The following KCNIP4 variants were observed in gnomAD, a reference collection of about 807,000 sequenced individuals.
KCNIP4 encodes the protein potassium voltage-gated channel interacting protein 4, also known as Kv channel-interacting protein 4.
Under a neutral mutation model 34.0 loss-of-function variants are expected in KCNIP4, and 12 were observed. The ratio of observed to expected loss-of-function variants is 0.35; its 90% CI spans 0.23 to 0.57. The LOEUF (loss-of-function observed/expected upper bound fraction) is 0.57. Ranked by LOEUF, KCNIP4 falls within the 20% of genes least tolerant of loss-of-function variation. The pLI is 0.83. For synonymous variants in KCNIP4, 124 were observed against 102.2 expected (o/e 1.21, Z -1.29); for missense variants, 238 against 311.7 (o/e 0.76, Z 1.78).
chr4:21,110,423 A>G (rs7696887), intron 1 of KCNIP4, among the ~76,000 whole-genome samples: 44,293 of 152,114 alleles, frequency 0.29, 7,118 homozygotes, highest in African/African-American at 0.44. Flanking sequence ...TAAAAGAAAA[A>G]TACTGAGAGA....
chr4:21,930,392 G>T (rs1729498461), intron 1 of KCNIP4, among the ~76,000 whole-genome samples: 1 of 151,912 alleles, frequency 6.6e-6, no homozygotes, highest in Non-Finnish European at 1.5e-5. Flanking sequence ...GACTTCTATG[G>T]AACTGCCTCA....
At chr4:21,133,664 G>C (rs919289608) in intron 1 of KCNIP4, among the ~76,000 whole-genome samples, 1 of 151,964 alleles carries the variant, frequency 6.6e-6, no homozygotes, top group African/African-American at 2.4e-5. Flanking sequence ...ATTCCTATTT[G>C]CTAAATACTG....
chr4:21,694,936 ATAAATAAAT>A (rs376302766), intron 1 of KCNIP4, among the ~76,000 whole-genome samples: 38,491 of 119,148 alleles, frequency 0.32, 6,421 homozygotes, highest in Non-Finnish European at 0.43. Context: ...AAAAATAAAA[ATAAATAAAT>A]AAATAAAGGG....
chr4:21,144,801 G>T (rs1752232093), intron 1 of KCNIP4, among the ~76,000 whole-genome samples: 1 of 151,982 alleles, frequency 6.6e-6, no homozygotes, highest in Admixed American at 6.6e-5. Flanking sequence ...TATATCCATT[G>T]GTTATCAAAT....
intron 1 of KCNIP4, among the ~76,000 whole-genome samples, chr4:21,279,589 ATAT>A (rs993900780): frequency 8.6e-5 from 13 of 150,912 alleles, no homozygotes; most frequent in African/African-American, 3.2e-4. Flanking sequence ...AATATTAAAT[ATAT>A]TAATATTAAT....
chr4:21,594,722 A>C (rs988832437), intron 1 of KCNIP4, among the ~76,000 whole-genome samples: 5 of 152,114 alleles, frequency 3.3e-5, no homozygotes, highest in African/African-American at 1.2e-4. Context: ...ACATGCAACA[A>C]AAAATTGATG....
rs138675776 is a variant in KCNIP4, at chr4:21,841,160, T to C, written c.61+107411A>G. The stretch of plus-strand genomic sequence containing the variant: ...AACTTTTAGGAAGAACTCTGAGGCA[T>C]GTTCTTTCTTACAATTCTCATAATG... On this transcript the variant is annotated intron_variant, in intron 1 of 8. Transcript: ENST00000382152. Among the ~76,000 whole-genome samples, 7 of 152,306 alleles carry C rather than the reference T, an allele frequency of 4.6e-5. No individual in the cohort carries two copies. The East Asian group carries it at 1.4e-3, about 29-fold the overall frequency.
intron 8 of KCNIP4, 147 bp downstream of exon 8, chr4:20,731,859 G>A: frequency 1.4e-6 from 2 of 1,422,482 alleles, no homozygotes; most frequent in South Asian, 1.6e-5. Context: ...TGTTTTCAGA[G>A]TGGTAGGCTT....
intron 1 of KCNIP4, among the ~76,000 whole-genome samples, chr4:20,906,497 A>G (rs1727787946): frequency 1.3e-5 from 2 of 152,178 alleles, no homozygotes; most frequent in African/African-American, 4.8e-5. Flanking sequence ...CTGCCTTGCC[A>G]GGAACTCCAC....
intron 1 of KCNIP4, among the ~76,000 whole-genome samples, chr4:21,637,611 T>C (rs1048525912): frequency 5.3e-5 from 8 of 151,800 alleles, no homozygotes; most frequent in Non-Finnish European, 1.0e-4. Flanking sequence ...GGTAAAACCC[T>C]GTCTCTACTA....
chr4:20,920,123 TATA>T (rs1160514150), intron 1 of KCNIP4, among the ~76,000 whole-genome samples: 1 of 152,232 alleles, frequency 6.6e-6, no homozygotes. Flanking sequence ...TATTGAAATT[TATA>T]ATATCAAATT....
At chr4:21,015,919 A>AAT (rs1027434373) in intron 1 of KCNIP4, among the ~76,000 whole-genome samples, 6 of 143,778 alleles carry the variant, frequency 4.2e-5, no homozygotes, top group Non-Finnish European at 9.1e-5. Context: ...TTAATATATA[A>AAT]ATATATATAA....
chr4:21,015,400 T>C (rs28844450), intron 1 of KCNIP4, among the ~76,000 whole-genome samples: 2,287 of 142,172 alleles, frequency 0.016, 69 homozygotes, highest in African/African-American at 0.055. Context: ...ATATTGGTTA[T>C]ATATATAACC....
rs141247002 is a variant in KCNIP4 at position 21,570,818 on chromosome 4, A to G, written c.61+377753T>C. 4.6e-5 allele frequency among the ~76,000 whole-genome samples: 7 copies of G among 152,262 alleles called. No individual in the cohort carries two copies. The East Asian group carries it at 1.4e-3, about 29-fold the overall frequency. On this transcript the variant is annotated intron_variant, in intron 1 of 8. Transcript: ENST00000382152. ...ACTCAATATATAGCAGAAATTGAGC[A>G]CTTTCCTATATCACATCGAACCCTC...
intron 1 of KCNIP4, chr4:21,608,732 C>T (rs1325602646): frequency 2.6e-5 from 4 of 152,150 alleles, no homozygotes; most frequent in Non-Finnish European, 4.4e-5. Flanking sequence ...CAGTCAAGCA[C>T]TGCCTCTTGT....
intron 3 of KCNIP4, among the ~76,000 whole-genome samples, chr4:20,820,898 G>A (rs893390903): frequency 1.4e-4 from 22 of 152,242 alleles, no homozygotes; most frequent in African/African-American, 5.3e-4. Context: ...AGCACAGGCA[G>A]TAAATCTTGG....
chr4:20,992,915 C>G (rs1737209953), intron 1 of KCNIP4, among the ~76,000 whole-genome samples: 1 of 150,050 alleles, frequency 6.7e-6, no homozygotes, highest in Admixed American at 6.7e-5. Flanking sequence ...GTAATCCCAG[C>G]TACTCTGGAG....
At chr4:21,041,172 A>G (rs1199840659) in intron 1 of KCNIP4, among the ~76,000 whole-genome samples, 2 of 152,070 alleles carry the variant, frequency 1.3e-5, no homozygotes, top group Non-Finnish European at 2.9e-5. Context: ...CAGATGACAT[A>G]TATGAGCATG....
intron 1 of KCNIP4, among the ~76,000 whole-genome samples, chr4:21,484,413 G>A (rs10025011): frequency 0.011 from 1,698 of 151,488 alleles, 35 homozygotes; most frequent in African/African-American, 0.039. Flanking sequence ...GGTGACAAGA[G>A]CGAAACTCCG....
Sources: gnomAD v4.1 joint callset for allele counts (sites outside exome capture counted in the v4.1 genomes callset) on GRCh38, gnomAD v4.1.1 for gene constraint, MANE v1.5 for transcripts, NCBI Gene and HGNC (gene_info 2026-07-23, HGNC 2026-07-21) for gene names.